STARD7: variants seen among roughly 807,000 people sequenced by gnomAD.
STARD7 encodes stAR-related lipid transfer protein 7, mitochondrial.
Under a neutral mutation model 45.3 loss-of-function variants are expected in STARD7, and 30 were observed. The observed-to-expected ratio is 0.66, with a 90% confidence interval of 0.50 to 0.90. The LOEUF (loss-of-function observed/expected upper bound fraction) is 0.90. STARD7 is among the 40% of genes least tolerant of loss of function. STARD7 has a pLI of 0.00. For missense variants in STARD7, 495 were observed against 491.3 expected, an observed-to-expected ratio of 1.01 and a Z score of -0.07; for synonymous variants, 199 against 183.0, an observed-to-expected ratio of 1.09 and a Z score of -0.70.
rs1558732706 is a variant in STARD7 at position 96,187,307 on chromosome 2, A to G, written c.844-6T>C. The G allele has an allele frequency of 1.2e-6, 2 of 1,603,536 alleles. No homozygotes were observed. Among genetic ancestry groups the G allele is most frequent in the South Asian group, 2.2e-5 (2 of 90,842 alleles). ...AGTAAGTAGTCAAAGCCATTCTGGAAAAGAAAAACAGCAAAAATGAAGATC... is the reference window on the plus strand; with the variant it reads ...AGTAAGTAGTCAAAGCCATTCTGGAGAAGAAAAACAGCAAAAATGAAGATC... On this transcript the variant is annotated splice_region_variant and splice_polypyrimidine_tract_variant and intron_variant, in intron 6 of 7. Transcript: ENST00000337288.
chr2:96,186,096 C>T lies in STARD7; in HGVS notation c.*634G>A, dbSNP rs1187317263. 6.6e-6 allele frequency: 1 copy of T among 152,046 alleles called. No homozygotes were observed. Among genetic ancestry groups the T allele is most frequent in the Non-Finnish European group, 1.5e-5 (1 of 68,010 alleles). 9.4% of individuals were successfully genotyped at this position (152,046 alleles called of 1,614,324 possible). A position where few individuals can be genotyped will look rare whatever the true frequency, so the allele number is the denominator to read the frequency against. On this transcript the variant is annotated 3_prime_UTR_variant, in exon 8 of 8. Coordinates refer to ENST00000337288, the MANE Select transcript of STARD7 (RefSeq NM_020151.4). ...AATTTCTTTGTACAAATTCATGTCC[C>T]TGGCCAGGCATGGCCCAGGAGTTCA...
intron 1 of STARD7, among the ~76,000 whole-genome samples, chr2:96,201,706 A>G (rs969458304): frequency 6.6e-6 from 1 of 151,698 alleles, no homozygotes; most frequent in African/African-American, 2.4e-5. Flanking sequence ...GCTGAGGCAC[A>G]AGAATCTGTT....
rs113173660 is a variant in STARD7, at chr2:96,204,281, G to A, written c.290+3864C>T. Among the ~76,000 whole-genome samples the A allele has an allele frequency of 2.5e-3, 376 of 151,776 alleles. 2 individuals carry two copies. Among genetic ancestry groups the A allele is most frequent in the African/African-American group, 8.5e-3 (351 of 41,384 alleles). ...TCTTAAGAAAAAAAAGAGTCTGGGC[G>A]TGATGTCTCATGCCTGTAATCCCAA... On this transcript the variant is annotated intron_variant, in intron 1 of 7. Transcript: ENST00000337288.
At chr2:96,203,177 A>T (rs922036755) in intron 1 of STARD7, among the ~76,000 whole-genome samples, 1 of 152,232 alleles carries the variant, frequency 6.6e-6, no homozygotes, top group African/African-American at 2.4e-5. Flanking sequence ...TCACTAACAT[A>T]TATGTGGAGA....
chr2:96,192,134 A>C (rs564473111), intron 6 of STARD7, among the ~76,000 whole-genome samples: 4 of 152,200 alleles, frequency 2.6e-5, no homozygotes, highest in Non-Finnish European at 5.9e-5. Flanking sequence ...TCTTTTAACT[A>C]TCTCTCAGAT....
At chr2:96,200,978 C>T (rs1282727028) in intron 1 of STARD7, among the ~76,000 whole-genome samples, 1 of 152,210 alleles carries the variant, frequency 6.6e-6, no homozygotes, top group East Asian at 1.9e-4. Context: ...TTTCACCCTT[C>T]AAGCTTCAAA....
At position 96,208,620 on chromosome 2, in the gene STARD7, G is replaced by A. The variant is rs903576179; in HGVS notation, c.-186C>T. The A allele has an allele frequency of 2.0e-6, 1 of 499,790 alleles. No individual in the cohort carries two copies. The highest frequency in any genetic ancestry group is 3.5e-5 in the East Asian group (1 of 28,412). The allele number at this position is 499,790 out of a possible 1,614,324, so 31.0% of individuals were successfully genotyped here. ...TGAGGAAGAGTCTCCTCTGAGGGGA[G>A]AGTCGGTCATGGCAGCAGACGCCGG... On this transcript the variant is annotated 5_prime_UTR_variant, in exon 1 of 8. Transcript: ENST00000337288.
intron 1 of STARD7, among the ~76,000 whole-genome samples, chr2:96,197,073 A>AC (rs1558735767): frequency 0.011 from 1,440 of 132,162 alleles, 59 homozygotes; most frequent in East Asian, 0.026. Context: ...TCTCAAAATA[A>AC]AATAAAATAA....
At position 96,186,828 on chromosome 2, in the gene STARD7, T is replaced by C; in HGVS notation, c.1015A>G (p.Lys339Glu). 6.2e-7 allele frequency: 1 copy of C among 1,614,010 alleles called. No homozygotes were observed. ...GCTTCACTACTCATTTCCAGAGGCT[T>C]AGCTGAGATGTAGTCCTTTACTTTA... ...EIKVKDYISAKPLEMSSEAKA... is the reference protein window; with the variant it reads ...EIKVKDYISAEPLEMSSEAKA... The change falls in exon 8 of 8, where the codon AAG (lysine) becomes GAG (glutamate). Residue 339 changes from lysine (K) to glutamate (E), a missense_variant. Around this residue, in one of 2 missense-constraint regions of STARD7, gnomAD observed 213 missense variants for 271.2 expected, o/e 0.79. Transcript: ENST00000337288.
intron 1 of STARD7, among the ~76,000 whole-genome samples, chr2:96,197,939 G>C (rs12613263): frequency 0.14 from 20,800 of 151,964 alleles, 1,628 homozygotes; most frequent in South Asian, 0.25. Context: ...TGGATAGATC[G>C]CATTTTGTTT....
At chr2:96,208,065 G>T in intron 1 of STARD7, 80 bp downstream of exon 1, 1 of 1,364,792 alleles carries the variant, frequency 7.3e-7, no homozygotes, top group Non-Finnish European at 9.8e-7. Context: ...GTAAACAAGG[G>T]CCAACGACCA....
chr2:96,208,823 G>A lies in STARD7; in HGVS notation c.-389C>T, dbSNP rs1254014823. 22 of 402,118 alleles carry A rather than the reference G, an allele frequency of 5.5e-5. 1 individual carries two copies. The highest frequency in any genetic ancestry group is 4.4e-6 in the Non-Finnish European group (1 of 226,718). 24.9% of individuals were successfully genotyped at this position (402,118 alleles called of 1,614,324 possible). A position where few individuals can be genotyped will look rare whatever the true frequency, so the allele number is the denominator to read the frequency against. On this transcript the variant is annotated 5_prime_UTR_variant, in exon 1 of 8. Transcript: ENST00000337288. Reference sequence around the variant, plus strand: ...GCAAGCTCCCGCGCCTTCCGCGACTGCCACACGCGCGGCGCGCGCGCACCC... The same window carrying A: ...GCAAGCTCCCGCGCCTTCCGCGACTACCACACGCGCGGCGCGCGCGCACCC...
In STARD7 at chr2:96,194,943, G is replaced by A. The variant is rs771919226; in HGVS notation, c.549+15C>T. 1 of 1,604,686 alleles carries A rather than the reference G, an allele frequency of 6.2e-7. No individual in the cohort carries two copies. The highest frequency in any genetic ancestry group is 1.1e-5 in the South Asian group (1 of 88,854). On this transcript the variant is annotated intron_variant, in intron 3 of 7. Transcript: ENST00000337288. The stretch of plus-strand genomic sequence containing the variant: ...TGCTAGGAGGCTCCAAATCTGGAGA[G>A]AAAAATTAACTCACCTGAACATTGA...
intron 1 of STARD7, among the ~76,000 whole-genome samples, chr2:96,196,998 G>A (rs537200938): frequency 3.3e-5 from 5 of 149,594 alleles, no homozygotes; most frequent in South Asian, 4.2e-4. Context: ...CACGGGAGGC[G>A]GAGGTTGCAG....
chr2:96,192,350 T>C lies in STARD7; in HGVS notation c.843+19A>G. 6.4e-7 allele frequency: 1 copy of C among 1,566,972 alleles called. No homozygotes were observed. Among genetic ancestry groups the C allele is most frequent in the Non-Finnish European group, 8.8e-7 (1 of 1,137,182 alleles). ...TCCACAGCCATGACATGTTATCTCT[T>C]GGATGAGGTAAAACTCACCTCATCA... On this transcript the variant is annotated intron_variant, in intron 6 of 7. Coordinates refer to ENST00000337288, the MANE Select transcript of STARD7 (RefSeq NM_020151.4).
At chr2:96,202,773 T>G (rs1252791374) in intron 1 of STARD7, among the ~76,000 whole-genome samples, 1 of 152,176 alleles carries the variant, frequency 6.6e-6, no homozygotes, top group Non-Finnish European at 1.5e-5. Flanking sequence ...TGCCACATAA[T>G]AAAGGGGAGC....
chr2:96,186,599 T>C lies in STARD7; in HGVS notation c.*131A>G. ...TCTGAATGAAATGGGACATCAGTTATTGAATTATCTTGCACTGGAAGTTAC... is the reference window on the plus strand; with the variant it reads ...TCTGAATGAAATGGGACATCAGTTACTGAATTATCTTGCACTGGAAGTTAC... On this transcript the variant is annotated 3_prime_UTR_variant, in exon 8 of 8. Coordinates refer to ENST00000337288, the MANE Select transcript of STARD7 (RefSeq NM_020151.4). 1.7e-6 allele frequency: 1 copy of C among 580,998 alleles called. No homozygotes were observed. The allele number at this position is 580,998 out of a possible 1,614,324, so 36.0% of individuals were successfully genotyped here.
intron 1 of STARD7, among the ~76,000 whole-genome samples, chr2:96,205,000 T>C (rs1683366830): frequency 1.3e-5 from 2 of 152,244 alleles, no homozygotes; most frequent in Admixed American, 6.5e-5. Context: ...CTTAACATCC[T>C]TCCTCTCTTT....
chr2:96,200,377 A>G (rs924806242), intron 1 of STARD7, among the ~76,000 whole-genome samples: 5 of 152,126 alleles, frequency 3.3e-5, no homozygotes, highest in African/African-American at 7.2e-5. Flanking sequence ...CCGGCTGCAA[A>G]AAGTTTTAAA....
Sources: allele counts gnomAD v4.1 joint callset (sites outside exome capture counted in the v4.1 genomes callset), GRCh38; gene constraint gnomAD v4.1.1; regional missense constraint gnomAD v4.1.1; transcripts MANE v1.5; gene names NCBI Gene and HGNC (gene_info 2026-07-23, HGNC 2026-07-21).